Variants in CPSF4 observed in about 807,000 individuals in gnomAD.
CPSF4 encodes cleavage and polyadenylation specific factor 4, also known as cleavage and polyadenylation specificity factor subunit 4.
In CPSF4, 11 loss-of-function variants were observed where a neutral mutation model predicts 37.7. The ratio of observed to expected loss-of-function variants is 0.29; its 90% confidence interval spans 0.18 to 0.48. The LOEUF (loss-of-function observed/expected upper bound fraction) is 0.48, where lower values mean the gene tolerates loss of function less well. CPSF4 is among the 20% of genes least tolerant of loss of function. CPSF4 has a pLI of 0.99. For synonymous variants in CPSF4, 132 were observed against 135.9 expected, an observed-to-expected ratio of 0.97 and a Z score of 0.20; for missense variants, 144 against 359.5, an observed-to-expected ratio of 0.40 and a Z score of 4.85.
chr7:99,443,398 G>A (rs370218108), intron 1 of CPSF4: 6 of 1,451,340 alleles, frequency 4.1e-6, no homozygotes, highest in South Asian at 3.4e-5. Flanking sequence ...CTGTGGATAA[G>A]ATCTTGCTTT....
At position 99,452,657 on chromosome 7, in the gene CPSF4, C is replaced by T. The variant is rs1462036474; in HGVS notation, c.570+217C>T. The T allele has an allele frequency of 2.0e-5, 11 of 559,640 alleles. No homozygotes were observed. The East Asian group carries it at 2.1e-4, about 11-fold the overall frequency. The allele number at this position is 559,640 out of a possible 1,614,324, so 34.7% of individuals were successfully genotyped here. A position where few individuals can be genotyped will look rare whatever the true frequency, so the allele number is the denominator to read the frequency against. The stretch of plus-strand genomic sequence containing the variant: ...GCCCTAGAACCTCAGCAAGGCCAAG[C>T]GCAGCAGCAGACACAGTCCAGGCGC... On this transcript the variant is annotated intron_variant, in intron 6 of 7. Transcript: ENST00000292476.
In CPSF4 at chr7:99,439,633, A is replaced by T. The variant is rs116427636; in HGVS notation, c.103+448A>T. The T allele has an allele frequency of 3.4e-3, 530 of 156,416 alleles. 1 individual carries two copies. Among genetic ancestry groups the T allele is most frequent in the African/African-American group, 0.012 (497 of 41,696 alleles). 9.7% of individuals were successfully genotyped at this position (156,416 alleles called of 1,614,324 possible). A position where few individuals can be genotyped will look rare whatever the true frequency, so the allele number is the denominator to read the frequency against. ...GAGGGTAGACCTTGTCTGTTCGCTT[A>T]ATTCTTGAATAAGGGTGGGTTATCC... On this transcript the variant is annotated intron_variant, in intron 1 of 7. Coordinates refer to ENST00000292476, the MANE Select transcript of CPSF4 (RefSeq NM_006693.4).
chr7:99,439,254 G>A (rs556509903), intron 1 of CPSF4, 69 bp downstream of exon 1: 216 of 1,198,648 alleles, frequency 1.8e-4, no homozygotes, highest in Non-Finnish European at 2.5e-4. Context: ...TGTGATCCCG[G>A]GACTCCCTCG....
At chr7:99,444,736 T>G (rs778861442) in intron 1 of CPSF4, 53 bp from the exon 2 acceptor site, 1 of 1,547,700 alleles carries the variant, frequency 6.5e-7, no homozygotes, top group Admixed American at 1.7e-5. Flanking sequence ...TCAGACATTG[T>G]CAATAGCAAA....
rs1213300000 is a variant in CPSF4, at chr7:99,438,986, A to T, written c.-97A>T. On this transcript the variant is annotated 5_prime_UTR_variant, in exon 1 of 8. Transcript: ENST00000292476. ...GCGGCGGCGGCGGCGAGGCGAAGCG[A>T]AGGAGGAGTGTGTGCGGCGGGGCCG... 9.0e-6 allele frequency: 11 copies of T among 1,220,100 alleles called. No homozygotes were observed. In the South Asian group the frequency reaches 1.4e-4, roughly 15 times the overall value. 75.6% of individuals were successfully genotyped at this position (1,220,100 alleles called of 1,614,324 possible).
intron 1 of CPSF4, among the ~76,000 whole-genome samples, chr7:99,440,674 A>ATATATATATTTTTTT: frequency 2.3e-5 from 2 of 88,082 alleles, no homozygotes; most frequent in Non-Finnish European, 3.7e-5. Flanking sequence ...ATATATATAT[A>ATATATATATTTTTTT]TTTTTTTTTT....
chr7:99,440,029 G>T (rs1796749925), intron 1 of CPSF4, among the ~76,000 whole-genome samples: 1 of 152,110 alleles, frequency 6.6e-6, no homozygotes, highest in South Asian at 2.1e-4. Context: ...TACTTTAAAA[G>T]AAACCAGTAG....
At chr7:99,455,638 T>A (rs1798255040) in intron 7 of CPSF4, among the ~76,000 whole-genome samples, 1 of 152,210 alleles carries the variant, frequency 6.6e-6, no homozygotes, top group Non-Finnish European at 1.5e-5. Flanking sequence ...ACAGAGTCAG[T>A]GCCCCCAGCT....
At chr7:99,440,442 AGGC>A (rs1456219334) in intron 1 of CPSF4, among the ~76,000 whole-genome samples, 1 of 151,604 alleles carries the variant, frequency 6.6e-6, no homozygotes, top group Non-Finnish European at 1.5e-5. Context: ...TCGACTTCCC[AGGC>A]TCCAGCAATC....
chr7:99,453,945 G>A lies in CPSF4; in HGVS notation c.571-21G>A, dbSNP rs200000721. The A allele has an allele frequency of 2.9e-5, 47 of 1,611,638 alleles. No homozygotes were observed. Among genetic ancestry groups the A allele is most frequent in the Admixed American group, 1.3e-4 (8 of 59,850 alleles). Reference sequence around the variant, plus strand: ...TGCACGTGTTTTCCACAGTAAAACCGTGTTGTGTAACTCTTTCCAGCAAAG... The same window carrying A: ...TGCACGTGTTTTCCACAGTAAAACCATGTTGTGTAACTCTTTCCAGCAAAG... On this transcript the variant is annotated intron_variant, in intron 6 of 7. Transcript: ENST00000292476. This position sits in a 1 kb window ranked among gnomAD's most constrained non-coding sequence, Gnocchi z 4.7.
intron 5 of CPSF4, 113 bp downstream of exon 5, chr7:99,450,908 G>C: frequency 6.9e-6 from 5 of 726,036 alleles, no homozygotes; most frequent in Non-Finnish European, 1.2e-5. Flanking sequence ...TCAGTACCAG[G>C]GCCAAGGGTG....
chr7:99,454,198 A>G (rs1798136457), intron 7 of CPSF4, 62 bp downstream of exon 7: 2 of 1,392,466 alleles, frequency 1.4e-6, no homozygotes, highest in Admixed American at 2.2e-5. Flanking sequence ...CCATTCCCTC[A>G]TGCCCCATGT....
At chr7:99,444,173 G>A (rs1206695579) in intron 1 of CPSF4, among the ~76,000 whole-genome samples, 4 of 151,936 alleles carry the variant, frequency 2.6e-5, no homozygotes, top group South Asian at 2.1e-4. Context: ...TTATTCCTGT[G>A]TGTCAGGCAC....
chr7:99,455,436 C>G (rs1798242562), intron 7 of CPSF4, among the ~76,000 whole-genome samples: 1 of 152,242 alleles, frequency 6.6e-6, no homozygotes, highest in Admixed American at 6.5e-5. Flanking sequence ...TGCGGTGGCT[C>G]ACGCCTGTAA....
intron 1 of CPSF4, among the ~76,000 whole-genome samples, chr7:99,444,302 C>T (rs1024156096): frequency 6.6e-6 from 1 of 152,096 alleles, no homozygotes; most frequent in Non-Finnish European, 1.5e-5. Flanking sequence ...ACTAAAAATA[C>T]AAAAATTAGC....
At chr7:99,455,877 G>T (rs1231199940) in intron 7 of CPSF4, among the ~76,000 whole-genome samples, 1 of 152,200 alleles carries the variant, frequency 6.6e-6, no homozygotes, top group African/African-American at 2.4e-5. Context: ...TCACAGCCAC[G>T]AGGGAAAACG....
Position 99,438,950 on chromosome 7 carries a change from C to T in CPSF4, c.-133C>T, listed in dbSNP as rs1220919069. 11 of 1,364,242 alleles carry T rather than the reference C, an allele frequency of 8.1e-6. No homozygotes were observed. The highest frequency in any genetic ancestry group is 7.8e-5 in the African/African-American group (5 of 64,130). 84.5% of individuals were successfully genotyped at this position (1,364,242 alleles called of 1,614,324 possible). On this transcript the variant is annotated 5_prime_UTR_variant, in exon 1 of 8. Transcript: ENST00000292476. Reference sequence around the variant, plus strand: ...CGGGCTCCGGGCGCTCCCGGCATCCCTCGGGCGGCGGCGGCGGCGGCGGCG... The same window carrying T: ...CGGGCTCCGGGCGCTCCCGGCATCCTTCGGGCGGCGGCGGCGGCGGCGGCG...
intron 1 of CPSF4, chr7:99,439,419 C>T: frequency 2.2e-6 from 1 of 459,042 alleles, no homozygotes; most frequent in Non-Finnish European, 3.9e-6. Flanking sequence ...ATCTGTGGTC[C>T]CGAGACTCTT....
rs1227340389 is a variant in CPSF4 at position 99,439,109 on chromosome 7, C to G, written c.27C>G (p.Asp9Glu). 6.2e-7 allele frequency: 1 copy of G among 1,611,628 alleles called. No homozygotes were observed. The highest frequency in any genetic ancestry group is 8.5e-7 in the Non-Finnish European group (1 of 1,179,506). MQEIIASV[D>E]HIKFDLEIAV... ...TGCAGGAAATCATCGCCAGCGTGGA[C>G]CACATCAAGTTTGACTTGGAGATCG... The change falls in exon 1 of 8, where the codon GAC becomes GAG. Residue 9 changes from aspartate (D) to glutamate (E), a missense_variant. Transcript: ENST00000292476.
Sources: gnomAD v4.1 joint callset for allele counts (sites outside exome capture counted in the v4.1 genomes callset) on GRCh38, gnomAD v4.1.1 for gene constraint, Gnocchi (gnomAD v3.1) non-coding constraint, MANE v1.5 for transcripts, NCBI Gene and HGNC (gene_info 2026-07-23, HGNC 2026-07-21) for gene names.